EFL1: variants seen among roughly 807,000 people sequenced by gnomAD.
EFL1 encodes elongation factor like GTPase 1, also known as elongation factor-like GTPase 1.
EFL1 carries 76 observed loss-of-function variants against 126.7 expected under a neutral mutation model. The observed-to-expected ratio is 0.60, with a 90% CI of 0.50 to 0.73. EFL1 has a LOEUF of 0.73. EFL1 is among the 30% of genes least tolerant of loss of function. The probability of loss-of-function intolerance (pLI) is 0.00; values close to 1 mark genes in which losing one functional copy is unlikely to be tolerated. For missense variants in EFL1, 1,128 were observed against 1,343.2 expected, an observed-to-expected ratio of 0.84 and a Z score of 2.50; for synonymous variants, 410 against 448.4, an observed-to-expected ratio of 0.91 and a Z score of 1.08.
chr15:82,221,558 C>T (rs1301937728), intron 12 of EFL1, among the ~76,000 whole-genome samples: 2 of 152,180 alleles, frequency 1.3e-5, no homozygotes, highest in Non-Finnish European at 2.9e-5. Context: ...CTACTTCTGC[C>T]TTCCTTAGCA....
chr15:82,138,907 G>A, intron 18 of EFL1, 65 bp from the exon 19 acceptor site: 1 of 1,460,122 alleles, frequency 6.8e-7, no homozygotes, highest in Non-Finnish European at 9.4e-7. Flanking sequence ...ACCAAGACAT[G>A]ATTACCCATA....
chr15:82,245,769 CA>C (rs2074966874), intron 4 of EFL1, among the ~76,000 whole-genome samples: 1 of 151,584 alleles, frequency 6.6e-6, no homozygotes, highest in African/African-American at 2.4e-5. Flanking sequence ...ATCATCTCTA[CA>C]AAAAAATTTA....
intron 16 of EFL1, among the ~76,000 whole-genome samples, chr15:82,162,193 C>A (rs546474301): frequency 6.6e-6 from 1 of 152,096 alleles, no homozygotes; most frequent in Non-Finnish European, 1.5e-5. Flanking sequence ...AGGAGGATCT[C>A]GTGAGCCCAG....
intron 15 of EFL1, among the ~76,000 whole-genome samples, chr15:82,208,346 G>A (rs1451497491): frequency 5.3e-5 from 8 of 152,128 alleles, no homozygotes; most frequent in East Asian, 1.9e-4. Context: ...TACGGCAACC[G>A]CTAGCCATAC....
At chr15:82,133,694 G>A (rs1474401350) in intron 19 of EFL1, among the ~76,000 whole-genome samples, 1 of 152,184 alleles carries the variant, frequency 6.6e-6, no homozygotes, top group Non-Finnish European at 1.5e-5. Flanking sequence ...CCGGCCACAA[G>A]TTATAATTCT....
chr15:82,234,649 G>C lies in EFL1; in HGVS notation c.731+3658C>G, dbSNP rs929606048. 1.1e-4 allele frequency among the ~76,000 whole-genome samples: 16 copies of C among 152,158 alleles called. 1 individual carries two copies. The highest frequency in any genetic ancestry group is 1.8e-4 in the Non-Finnish European group (12 of 68,010). On this transcript the variant is annotated intron_variant, in intron 7 of 19. Transcript: ENST00000268206. Reference sequence around the variant, plus strand: ...AGGAAAATACATTTTAAAAAACGGAGCCAGAGATTTGTTAGGCTACACCCA... The same window carrying C: ...AGGAAAATACATTTTAAAAAACGGACCCAGAGATTTGTTAGGCTACACCCA...
intron 4 of EFL1, among the ~76,000 whole-genome samples, chr15:82,252,323 A>G (rs1567080240): frequency 1.3e-5 from 2 of 152,264 alleles, no homozygotes; most frequent in South Asian, 2.1e-4. Flanking sequence ...GCAAGCTGGT[A>G]CTGATCACGG....
chr15:82,151,504 T>C lies in EFL1; in HGVS notation c.2950A>G (p.Met984Val), dbSNP rs200451236. The C allele has an allele frequency of 3.7e-4, 604 of 1,613,882 alleles. 1 individual carries two copies. Among genetic ancestry groups the C allele is most frequent in the Middle Eastern group, 8.2e-4 (5 of 6,082 alleles). ...QVKPQRLMAA[M>V]YTCDIMATGD... ...GTGGCCATGATGTCACATGTGTACA[T>C]AGCTGCCATCAGGCGCTGAGGTTTC... is the stretch of plus-strand genomic sequence containing the variant. Residue 984 changes from methionine (M) to valine (V), a missense_variant, in exon 18 of 20, where the codon ATG becomes GTG. Transcript: ENST00000268206.
chr15:82,150,666 A>G (rs565104119), intron 18 of EFL1, among the ~76,000 whole-genome samples: 1 of 152,324 alleles, frequency 6.6e-6, no homozygotes, highest in South Asian at 2.1e-4. Flanking sequence ...CTTCTCCCAA[A>G]GAGAGAAAAA....
rs751779961 is a variant in EFL1, at chr15:82,130,576, T to C, written c.3175-15A>G. 1.2e-6 allele frequency: 2 copies of C among 1,612,612 alleles called. No homozygotes were observed. The highest frequency in any genetic ancestry group is 1.7e-6 in the Non-Finnish European group (2 of 1,179,390). ...CTGGGAATGATCTTGTAAAAGAAGA[T>C]GACAGAATGTGCAAGGTTAGGCATT... On this transcript the variant is annotated splice_polypyrimidine_tract_variant and intron_variant, in intron 19 of 19. Coordinates refer to ENST00000268206, the MANE Select transcript of EFL1 (RefSeq NM_024580.6).
intron 15 of EFL1, among the ~76,000 whole-genome samples, chr15:82,188,711 G>C (rs1335846134): frequency 1.3e-5 from 2 of 152,074 alleles, no homozygotes; most frequent in Non-Finnish European, 2.9e-5. Flanking sequence ...AAAGACCTAA[G>C]CTTGAGAAAC....
At chr15:82,173,575 C>T (rs2074159597) in intron 15 of EFL1, among the ~76,000 whole-genome samples, 1 of 152,170 alleles carries the variant, frequency 6.6e-6, no homozygotes, top group African/African-American at 2.4e-5. Context: ...TTGTTTCAGT[C>T]AGCTCCTGGT....
Position 82,169,933 on chromosome 15 carries a change from C to T in EFL1, c.1751-5949G>A, listed in dbSNP as rs575675119. Among the ~76,000 whole-genome samples the T allele has an allele frequency of 4.6e-5, 7 of 152,042 alleles. 1 individual carries two copies. The South Asian group carries it at 6.2e-4, about 14-fold the overall frequency. ...ACAAAGGCAAATACACAGTTAATTA[C>T]GATACAATGTGACACATCTTATAAT... On this transcript the variant is annotated intron_variant, in intron 15 of 19. Transcript: ENST00000268206.
At chr15:82,201,605 T>G (rs2141282076) in intron 15 of EFL1, among the ~76,000 whole-genome samples, 1 of 151,568 alleles carries the variant, frequency 6.6e-6, no homozygotes, top group East Asian at 1.9e-4. Context: ...TATACTGCAA[T>G]TGTGTGGGCT....
intron 15 of EFL1, among the ~76,000 whole-genome samples, chr15:82,212,334 A>AT: frequency 6.6e-6 from 1 of 152,224 alleles, no homozygotes; most frequent in East Asian, 1.9e-4. Context: ...TTCTATTTCT[A>AT]TCATAAGAAG....
At chr15:82,132,510 G>C (rs991147734) in intron 19 of EFL1, among the ~76,000 whole-genome samples, 3 of 149,984 alleles carry the variant, frequency 2.0e-5, no homozygotes, top group African/African-American at 7.4e-5. Flanking sequence ...AAGAGTCCCC[G>C]GAAGGAAAAG....
In EFL1 at chr15:82,230,914, A is replaced by T; in HGVS notation, c.789T>A (p.Leu263=). The change falls in exon 8 of 20, where the codon CTT becomes CTA. Residue 263 remains leucine, a synonymous_variant. Coordinates refer to ENST00000268206, the MANE Select transcript of EFL1 (RefSeq NM_024580.6). ...SQKIGIKKEV[L]MKTLWGDYYI... Reference sequence around the variant, plus strand: ...AGTAATCTCCCCACAAGGTTTTCATAAGAACTTCCTTTTTGATGCCAATTT... The same window carrying T: ...AGTAATCTCCCCACAAGGTTTTCATTAGAACTTCCTTTTTGATGCCAATTT... 1 of 1,613,530 alleles carries T rather than the reference A, an allele frequency of 6.2e-7. No homozygotes were observed. The highest frequency in any genetic ancestry group is 8.5e-7 in the Non-Finnish European group (1 of 1,179,654).
intron 15 of EFL1, among the ~76,000 whole-genome samples, chr15:82,188,391 C>T (rs2074323646): frequency 6.6e-6 from 1 of 151,908 alleles, no homozygotes; most frequent in Non-Finnish European, 1.5e-5. Context: ...TTTTGTTTTA[C>T]CAAATGAAGT....
intron 15 of EFL1, among the ~76,000 whole-genome samples, chr15:82,180,998 G>T (rs1008186731): frequency 6.6e-6 from 1 of 152,068 alleles, no homozygotes; most frequent in Non-Finnish European, 1.5e-5. Context: ...GAAGTGCTGG[G>T]ATTACAGGTG....
Sources: gnomAD v4.1 joint callset for allele counts (sites outside exome capture counted in the v4.1 genomes callset) on GRCh38, gnomAD v4.1.1 for gene constraint, MANE v1.5 for transcripts, NCBI Gene and HGNC (gene_info 2026-07-23, HGNC 2026-07-21) for gene names.